Variants in SERGEF observed in about 807,000 individuals in gnomAD.
SERGEF encodes the protein secretion-regulating guanine nucleotide exchange factor.
A neutral mutation model predicts 50.0 loss-of-function variants in SERGEF; 51 were observed. The ratio of observed to expected loss-of-function variants is 1.02; its 90% confidence interval spans 0.81 to 1.29. The LOEUF (loss-of-function observed/expected upper bound fraction) is 1.29. SERGEF is among the 50% of genes most tolerant of loss of function. The pLI is 0.00. For missense variants in SERGEF, 521 were observed against 557.0 expected, an observed-to-expected ratio of 0.94 and a Z score of 0.65; for synonymous variants, 205 against 212.4, an observed-to-expected ratio of 0.97 and a Z score of 0.30.
At chr11:17,930,233 G>A (rs541658050) in intron 9 of SERGEF, among the ~76,000 whole-genome samples, 1 of 152,276 alleles carries the variant, frequency 6.6e-6, no homozygotes, top group East Asian at 1.9e-4. Flanking sequence ...AAAGTAACTG[G>A]CACAAAATAG....
rs1849456475 is a variant in SERGEF at position 17,790,113 on chromosome 11, A to G, written c.1049-1700T>C. 3.9e-5 allele frequency among the ~76,000 whole-genome samples: 6 copies of G among 152,364 alleles called. No homozygotes were observed. In the South Asian group the frequency reaches 1.2e-3, roughly 32 times the overall value. ...TAAGAACATTAGCTAGCATTTTGCC[A>G]TATTTGCTTCAACCCTTCTCTTAAA... On this transcript the variant is annotated intron_variant, in intron 10 of 10. Coordinates refer to ENST00000265965, the MANE Select transcript of SERGEF (RefSeq NM_012139.4).
At chr11:17,988,109 T>A (rs1195466143) in intron 8 of SERGEF, among the ~76,000 whole-genome samples, 1 of 152,174 alleles carries the variant, frequency 6.6e-6, no homozygotes, top group African/African-American at 2.4e-5. Flanking sequence ...AGGGAATATA[T>A]GAGATGTCTG....
chr11:17,996,396 T>C (rs1464927051), intron 5 of SERGEF, among the ~76,000 whole-genome samples: 1 of 152,226 alleles, frequency 6.6e-6, no homozygotes, highest in Admixed American at 6.5e-5. Flanking sequence ...TCCTAACACC[T>C]AATGTAGTGC....
chr11:17,827,021 G>A (rs76194657), intron 10 of SERGEF, among the ~76,000 whole-genome samples: 29 of 152,238 alleles, frequency 1.9e-4, no homozygotes, highest in African/African-American at 6.3e-4. Flanking sequence ...GCCGCCTCTC[G>A]TTCAAATATT....
intron 9 of SERGEF, among the ~76,000 whole-genome samples, chr11:17,955,744 T>C (rs1464165187): frequency 2.0e-5 from 3 of 151,938 alleles, no homozygotes; most frequent in African/African-American, 7.3e-5. Context: ...CAACGTAAAC[T>C]GGAATAGGAG....
intron 1 of SERGEF, chr11:18,012,651 T>C (rs211109): frequency 0.24 from 282,440 of 1,172,764 alleles, 36,280 homozygotes; most frequent in Non-Finnish European, 0.26. Flanking sequence ...CTATTCGGGC[T>C]GGAGGGCTCT....
chr11:17,844,737 C>T (rs1340412449), intron 10 of SERGEF, among the ~76,000 whole-genome samples: 1 of 152,044 alleles, frequency 6.6e-6, no homozygotes, highest in Non-Finnish European at 1.5e-5. Flanking sequence ...CCTGCCCTTC[C>T]AGCTTTAGAT....
chr11:17,919,743 T>C (rs935893439), intron 9 of SERGEF, among the ~76,000 whole-genome samples: 14 of 152,110 alleles, frequency 9.2e-5, no homozygotes, highest in Non-Finnish European at 1.5e-4. Flanking sequence ...TTTAGGGCCT[T>C]TGCACTGGGA....
intron 10 of SERGEF, among the ~76,000 whole-genome samples, chr11:17,859,268 T>G (rs1850882910): frequency 6.6e-6 from 1 of 152,016 alleles, no homozygotes; most frequent in Non-Finnish European, 1.5e-5. Context: ...TATGGCAATA[T>G]AAACAAGAAC....
chr11:17,955,134 G>A (rs1445132746), intron 9 of SERGEF, among the ~76,000 whole-genome samples: 2 of 152,172 alleles, frequency 1.3e-5, no homozygotes, highest in Non-Finnish European at 2.9e-5. Flanking sequence ...CCCTCGGCCT[G>A]ATATCCTTCT....
chr11:17,982,191 C>A (rs1306430753), intron 8 of SERGEF, among the ~76,000 whole-genome samples: 1 of 152,148 alleles, frequency 6.6e-6, no homozygotes, highest in Non-Finnish European at 1.5e-5. Flanking sequence ...ACTTCCTCAT[C>A]ATCTCTGGAA....
At chr11:17,945,729 C>T (rs1244076415) in intron 9 of SERGEF, among the ~76,000 whole-genome samples, 1 of 152,038 alleles carries the variant, frequency 6.6e-6, no homozygotes, top group African/African-American at 2.4e-5. Context: ...GGCGGATTAC[C>T]TGGGGTCAGG....
chr11:17,979,008 A>C (rs1226683164), intron 8 of SERGEF, among the ~76,000 whole-genome samples: 1 of 152,182 alleles, frequency 6.6e-6, no homozygotes, highest in Admixed American at 6.5e-5. Flanking sequence ...GCCAAACACA[A>C]AATCCAAATA....
chr11:17,967,759 G>A (rs1399240655), intron 8 of SERGEF, among the ~76,000 whole-genome samples: 2 of 152,204 alleles, frequency 1.3e-5, no homozygotes. Context: ...TTCTCTCAAT[G>A]TTGGATGACT....
chr11:17,846,827 T>A, intron 10 of SERGEF: 3 of 451,636 alleles, frequency 6.6e-6, no homozygotes, highest in South Asian at 1.6e-5. Context: ...AGCAGGTATA[T>A]AATAGATGAG....
At chr11:17,892,195 A>C (rs1300569346) in intron 9 of SERGEF, among the ~76,000 whole-genome samples, 6 of 152,200 alleles carry the variant, frequency 3.9e-5, no homozygotes, top group Non-Finnish European at 8.8e-5. Flanking sequence ...ACTCCTCCTC[A>C]TATCCACATC....
chr11:17,898,691 A>G (rs539353462), intron 9 of SERGEF, among the ~76,000 whole-genome samples: 1 of 152,270 alleles, frequency 6.6e-6, no homozygotes, highest in South Asian at 2.1e-4. Context: ...GGAAAAGAAA[A>G]ACAACTCTTC....
chr11:17,952,060 A>G (rs2299628), intron 9 of SERGEF, among the ~76,000 whole-genome samples: 54,921 of 152,054 alleles, frequency 0.36, 10,428 homozygotes, highest in East Asian at 0.5. Context: ...CACTTTTTTC[A>G]GCACAATTCT....
At chr11:17,823,942 T>C (rs1565177167) in intron 10 of SERGEF, among the ~76,000 whole-genome samples, 1 of 152,234 alleles carries the variant, frequency 6.6e-6, no homozygotes, top group Admixed American at 6.5e-5. Context: ...TTTGGCTATG[T>C]AACTAGGCTC....
Sources: allele counts gnomAD v4.1 joint callset (sites outside exome capture counted in the v4.1 genomes callset), GRCh38; gene constraint gnomAD v4.1.1; transcripts MANE v1.5; gene names NCBI Gene and HGNC (gene_info 2026-07-23, HGNC 2026-07-21).